The following SPAG16 variants were observed in gnomAD, a reference collection of about 807,000 sequenced individuals.
SPAG16 encodes sperm-associated antigen 16 protein.
SPAG16 carries 86 observed loss-of-function variants against 80.4 expected under a neutral mutation model. The observed-to-expected ratio is 1.07, with a 90% CI of 0.90 to 1.28. SPAG16 has a LOEUF of 1.28. SPAG16 is among the 50% of genes most tolerant of loss of function. The probability of loss-of-function intolerance (pLI) is 0.00; values close to 1 mark genes in which losing one functional copy is unlikely to be tolerated. For missense variants in SPAG16, 870 were observed against 765.3 expected (o/e 1.14, Z -1.61); for synonymous variants, 294 against 265.9 (o/e 1.11, Z -1.03).
intron 10 of SPAG16, among the ~76,000 whole-genome samples, chr2:213,626,982 C>A (rs575194819): frequency 1.2e-4 from 18 of 152,220 alleles, no homozygotes; most frequent in Non-Finnish European, 2.1e-4. Flanking sequence ...GTACTATAGA[C>A]AAAAGCACAC....
intron 15 of SPAG16, among the ~76,000 whole-genome samples, chr2:214,362,467 T>C (rs1319593103): frequency 6.6e-6 from 1 of 151,950 alleles, no homozygotes; most frequent in Non-Finnish European, 1.5e-5. Context: ...TTTATCTAGC[T>C]ATTTGTTCTA....
intron 14 of SPAG16, among the ~76,000 whole-genome samples, chr2:214,135,268 G>A (rs2125513078): frequency 6.6e-6 from 1 of 152,280 alleles, no homozygotes; most frequent in South Asian, 2.1e-4. Flanking sequence ...CAGGGTCACA[G>A]TAGAGTTCAG....
chr2:214,360,252 C>G lies in SPAG16; in HGVS notation c.1721-49888C>G, dbSNP rs374922251. 4.6e-5 allele frequency among the ~76,000 whole-genome samples: 7 copies of G among 151,792 alleles called. No homozygotes were observed. The South Asian group carries it at 1.2e-3, about 27-fold the overall frequency. ...TAAAGATCAACATTATTAGATATTT[C>G]CTAGATTTAACATATATTGGAATAT... On this transcript the variant is annotated intron_variant, in intron 15 of 15. Coordinates refer to ENST00000331683, the MANE Select transcript of SPAG16 (RefSeq NM_024532.5).
At chr2:213,726,626 C>G (rs778385220) in intron 10 of SPAG16, among the ~76,000 whole-genome samples, 12 of 152,230 alleles carry the variant, frequency 7.9e-5, no homozygotes, top group Non-Finnish European at 1.6e-4. Flanking sequence ...CCACACTACA[C>G]TGGTCTTGAA....
rs554681126 is a variant in SPAG16 at position 213,508,154 on chromosome 2, G to A, written c.1070+18064G>A. On this transcript the variant is annotated intron_variant, in intron 10 of 15. Transcript: ENST00000331683. ...TGCTGCTATAAATACACATGCACAC[G>A]TATGTTTATTGCAGCACTATTCACA... Among the ~76,000 whole-genome samples the A allele has an allele frequency of 1.1e-4, 17 of 152,280 alleles. No homozygotes were observed. The South Asian group carries it at 1.2e-3, about 11-fold the overall frequency.
At chr2:213,996,584 T>C (rs2046527706) in intron 12 of SPAG16, among the ~76,000 whole-genome samples, 1 of 149,614 alleles carries the variant, frequency 6.7e-6, no homozygotes, top group Non-Finnish European at 1.5e-5. Flanking sequence ...TTTTTTTTTT[T>C]TTGAGATGGA....
At chr2:213,404,231 C>A (rs995723666) in intron 9 of SPAG16, among the ~76,000 whole-genome samples, 6 of 152,110 alleles carry the variant, frequency 3.9e-5, no homozygotes, top group Admixed American at 3.3e-4. Flanking sequence ...TGGAACCAAA[C>A]AAGAGCCCGC....
chr2:213,693,610 C>G (rs1169191440), intron 10 of SPAG16, among the ~76,000 whole-genome samples: 5 of 152,126 alleles, frequency 3.3e-5, no homozygotes, highest in Admixed American at 2.0e-4. Flanking sequence ...ACTCTTATTT[C>G]CTATTCTTTT....
intron 12 of SPAG16, among the ~76,000 whole-genome samples, chr2:213,994,108 A>C (rs1482361863): frequency 6.6e-6 from 1 of 152,182 alleles, no homozygotes; most frequent in Non-Finnish European, 1.5e-5. Flanking sequence ...CAAAGGAAGT[A>C]TGTGTGTGAT....
chr2:213,557,902 T>C (rs986238746), intron 10 of SPAG16, among the ~76,000 whole-genome samples: 1 of 152,220 alleles, frequency 6.6e-6, no homozygotes, highest in Non-Finnish European at 1.5e-5. Context: ...AATCCTATTC[T>C]TTCTAAAGGG....
At chr2:213,986,718 A>G (rs569737804) in intron 12 of SPAG16, among the ~76,000 whole-genome samples, 59 of 151,926 alleles carry the variant, frequency 3.9e-4, no homozygotes, top group African/African-American at 1.4e-3. Flanking sequence ...CTTAGGAGAC[A>G]TAATAGGTTT....
In SPAG16 at chr2:213,681,668, G is replaced by A. The variant is rs148156435; in HGVS notation, c.1071-180817G>A. On this transcript the variant is annotated intron_variant, in intron 10 of 15. Transcript: ENST00000331683. ...ATGGCTAAATAAAGAAGCAGAAATT[G>A]AGGGCATGGGTTTCCTCATCAAGGA... is the stretch of plus-strand genomic sequence containing the variant. Among the ~76,000 whole-genome samples, 250 of 152,296 alleles carry A rather than the reference G, an allele frequency of 1.6e-3. 1 individual carries two copies. Among genetic ancestry groups the A allele is most frequent in the Non-Finnish European group, 2.7e-3 (181 of 68,010 alleles).
At chr2:213,424,067 T>C (rs1299917445) in intron 9 of SPAG16, among the ~76,000 whole-genome samples, 1 of 152,180 alleles carries the variant, frequency 6.6e-6, no homozygotes, top group Non-Finnish European at 1.5e-5. Flanking sequence ...ATATACTTAT[T>C]CTAGTGATAC....
intron 9 of SPAG16, among the ~76,000 whole-genome samples, chr2:213,461,179 G>C (rs1396498199): frequency 6.6e-6 from 1 of 152,094 alleles, no homozygotes; most frequent in African/African-American, 2.4e-5. Context: ...TAGCTCATAG[G>C]TGAATGGAAG....
At chr2:214,231,621 G>C (rs1688711132) in intron 15 of SPAG16, among the ~76,000 whole-genome samples, 1 of 151,994 alleles carries the variant, frequency 6.6e-6, no homozygotes, top group African/African-American at 2.4e-5. Context: ...TAGCCAAGTG[G>C]CATTACTCCA....
chr2:213,974,797 AG>A (rs35689066), intron 12 of SPAG16, among the ~76,000 whole-genome samples: 11,893 of 152,060 alleles, frequency 0.078, 519 homozygotes, highest in African/African-American at 0.11. Flanking sequence ...TCTATAAATT[AG>A]GGAACTTGGC....
chr2:214,076,865 A>C (rs1402183377), intron 13 of SPAG16, among the ~76,000 whole-genome samples: 1 of 152,152 alleles, frequency 6.6e-6, no homozygotes, highest in Non-Finnish European at 1.5e-5. Flanking sequence ...ATTCAGTGGA[A>C]ACCATCAACT....
chr2:213,288,044 T>C (rs1353843284), intron 1 of SPAG16, among the ~76,000 whole-genome samples: 1 of 152,214 alleles, frequency 6.6e-6, no homozygotes, highest in Non-Finnish European at 1.5e-5. Flanking sequence ...TAGCGGGGAC[T>C]GCAGATGTGC....
At chr2:213,332,620 A>G (rs904636247) in intron 5 of SPAG16, among the ~76,000 whole-genome samples, 1 of 152,134 alleles carries the variant, frequency 6.6e-6, no homozygotes, top group Non-Finnish European at 1.5e-5. Context: ...TGATTCAAAA[A>G]TCAACAAAAA....
Sources: allele counts gnomAD v4.1 joint callset (sites outside exome capture counted in the v4.1 genomes callset), GRCh38; gene constraint gnomAD v4.1.1; transcripts MANE v1.5; gene names NCBI Gene and HGNC (gene_info 2026-07-23, HGNC 2026-07-21).